CDC42: variants seen among roughly 807,000 people sequenced by gnomAD.
CDC42 encodes cell division cycle 42, also known as cell division control protein 42 homolog.
Under a neutral mutation model 20.8 loss-of-function variants are expected in CDC42, and 1 was observed. The observed-to-expected ratio is 0.05, with a 90% CI of 0.02 to 0.23. The LOEUF is 0.23. Ranked by LOEUF, CDC42 falls within the 10% of genes least tolerant of loss-of-function variation. The pLI is 1.00. For missense variants in CDC42, 49 were observed against 227.9 expected (o/e 0.21, Z 5.05); for synonymous variants, 72 against 84.8 (o/e 0.85, Z 0.83).
chr1:22,082,330 A>C (rs958700681), intron 3 of CDC42, among the ~76,000 whole-genome samples: 1 of 152,240 alleles, frequency 6.6e-6, no homozygotes, highest in African/African-American at 2.4e-5. Context: ...CTTACGATAG[A>C]TAGCTTATTT....
In CDC42 at chr1:22,094,294, A is replaced by ATTTTTTTTTTTT. The variant is rs747002932; in HGVS notation, c.*2787_*2798dup. Among the ~76,000 whole-genome samples, 1,478 of 38,248 alleles carry ATTTTTTTTTTTT rather than the reference A, an allele frequency of 0.039. 526 individuals carry two copies. Among genetic ancestry groups the ATTTTTTTTTTTT allele is most frequent in the African/African-American group, 0.061 (501 of 8,188 alleles). The allele number at this position is 38,248 out of a possible 152,430, so 25.1% of individuals were successfully genotyped here. A position where few individuals can be genotyped will look rare whatever the true frequency, so the allele number is the denominator to read the frequency against. On this transcript the variant is annotated 3_prime_UTR_variant, in exon 6 of 6. Coordinates refer to ENST00000656825, the MANE Select transcript of CDC42 (RefSeq NM_001791.4). ...GTTTTACTGAACATCCTAGAAATAGATTTTTTTTTTTTTTTTTTTTTGAGA... is the reference window on the plus strand; with the variant it reads ...GTTTTACTGAACATCCTAGAAATAGATTTTTTTTTTTTTTTTTTTTTTTTTTTTTTTTTGAGA...
Position 22,095,452 on chromosome 1 carries a change from G to A in CDC42, c.*3935G>A, listed in dbSNP as rs1278029251. On this transcript the variant is annotated 3_prime_UTR_variant, in exon 6 of 6. Transcript: ENST00000656825. ...GCCTGGCTAATGTTTTGTATTTTTA[G>A]TAGAGATAGGGTTTCACCATGTTAG... Among the ~76,000 whole-genome samples the A allele has an allele frequency of 6.6e-6, 1 of 152,062 alleles. No homozygotes were observed. Among genetic ancestry groups the A allele is most frequent in the Admixed American group, 6.5e-5 (1 of 15,278 alleles).
At chr1:22,058,610 G>A (rs1279963346) in intron 1 of CDC42, among the ~76,000 whole-genome samples, 1 of 151,798 alleles carries the variant, frequency 6.6e-6, no homozygotes, top group African/African-American at 2.4e-5. Context: ...AACCTCCCGA[G>A]TAGCTGGGAT....
chr1:22,074,831 T>C (rs1035697791), intron 1 of CDC42, among the ~76,000 whole-genome samples: 1 of 152,130 alleles, frequency 6.6e-6, no homozygotes, highest in African/African-American at 2.4e-5. Context: ...GCAGAAGAGG[T>C]TGGCTTAATA....
At chr1:22,068,616 A>G (rs536943608) in intron 1 of CDC42, 3 of 152,650 alleles carry the variant, frequency 2.0e-5, no homozygotes, top group Non-Finnish European at 2.9e-5. Context: ...AATTCCTTCC[A>G]TAGAAATGAT....
At chr1:22,069,357 G>T (rs1368030488) in intron 1 of CDC42, among the ~76,000 whole-genome samples, 1 of 151,726 alleles carries the variant, frequency 6.6e-6, no homozygotes, top group Non-Finnish European at 1.5e-5. Context: ...TGTATTTTTG[G>T]TAGAGACTGG....
chr1:22,071,333 C>T (rs958372269), intron 1 of CDC42, among the ~76,000 whole-genome samples: 25 of 152,156 alleles, frequency 1.6e-4, no homozygotes, highest in South Asian at 6.2e-4. Flanking sequence ...TGTGAGCCAC[C>T]GCACCCGGTC....
At chr1:22,058,376 G>A (rs537580747) in intron 1 of CDC42, among the ~76,000 whole-genome samples, 1 of 152,244 alleles carries the variant, frequency 6.6e-6, no homozygotes, top group East Asian at 1.9e-4. Context: ...ATCATAATCT[G>A]AAAATGAATC....
intron 1 of CDC42, among the ~76,000 whole-genome samples, chr1:22,054,960 T>A (rs1645287839): frequency 1.4e-4 from 8 of 56,684 alleles, no homozygotes; most frequent in South Asian, 7.9e-4. Context: ...TTTTTTTTTT[T>A]TTTTTTTTTT....
At chr1:22,061,499 AGACG>A (rs1459059220) in intron 1 of CDC42, among the ~76,000 whole-genome samples, 1 of 142,518 alleles carries the variant, frequency 7.0e-6, no homozygotes, top group Non-Finnish European at 1.5e-5. Context: ...TAGGGAAGTT[AGACG>A]GTCAATCAGT....
rs1451210439 is a variant in CDC42, at chr1:22,098,046, C to G, written c.*6529C>G. 6.6e-6 allele frequency among the ~76,000 whole-genome samples: 1 copy of G among 152,154 alleles called. No individual in the cohort carries two copies. The highest frequency in any genetic ancestry group is 1.5e-5 in the Non-Finnish European group (1 of 68,028). ...GTTCTGTTTGCTCTGATGCGTCCCGCAGAGCAGTGCTTTTTCTCGGTGTGA... is the reference window on the plus strand; with the variant it reads ...GTTCTGTTTGCTCTGATGCGTCCCGGAGAGCAGTGCTTTTTCTCGGTGTGA... On this transcript the variant is annotated 3_prime_UTR_variant, in exon 6 of 6. Transcript: ENST00000656825.
In CDC42 at chr1:22,094,577, G is replaced by A. The variant is rs903497645; in HGVS notation, c.*3060G>A. Among the ~76,000 whole-genome samples, 13 of 148,646 alleles carry A rather than the reference G, an allele frequency of 8.7e-5. No individual in the cohort carries two copies. The highest frequency in any genetic ancestry group is 2.1e-4 in the South Asian group (1 of 4,818). ...CTCCCAAAGTGCTGGGATTACAGGC[G>A]TGAGCCACCGCGCCCGGCCAGAAAT... On this transcript the variant is annotated 3_prime_UTR_variant, in exon 6 of 6. Coordinates refer to ENST00000656825, the MANE Select transcript of CDC42 (RefSeq NM_001791.4).
At chr1:22,086,002 C>T (rs1260816131) in intron 3 of CDC42, among the ~76,000 whole-genome samples, 1 of 152,168 alleles carries the variant, frequency 6.6e-6, no homozygotes, top group East Asian at 1.9e-4. Flanking sequence ...TGCACCACCA[C>T]ACCCGGCTAA....
chr1:22,089,828 A>C, intron 5 of CDC42: 1 of 1,021,352 alleles, frequency 9.8e-7, no homozygotes, highest in Non-Finnish European at 1.4e-6. Context: ...CGTTTTTCTT[A>C]AGGCACATTG....
intron 1 of CDC42, among the ~76,000 whole-genome samples, chr1:22,064,734 T>C (rs1442802165): frequency 6.7e-6 from 1 of 149,956 alleles, no homozygotes; most frequent in Admixed American, 6.7e-5. Flanking sequence ...CAGCCTGGAG[T>C]GCAGTGGCGC....
chr1:22,072,674 C>G (rs1259827174), intron 1 of CDC42, among the ~76,000 whole-genome samples: 2 of 152,040 alleles, frequency 1.3e-5, no homozygotes, highest in African/African-American at 4.8e-5. Context: ...CCAGCCCCAT[C>G]CTGAGGCTTC....
chr1:22,078,101 C>A (rs995981241), intron 1 of CDC42, among the ~76,000 whole-genome samples: 1 of 152,310 alleles, frequency 6.6e-6, no homozygotes, highest in Admixed American at 6.5e-5. Context: ...ACAGCTTTCA[C>A]AAAATAATAT....
chr1:22,073,640 T>C (rs757335551), intron 1 of CDC42, among the ~76,000 whole-genome samples: 2 of 152,154 alleles, frequency 1.3e-5, no homozygotes, highest in Non-Finnish European at 2.9e-5. Flanking sequence ...CACAATTTTA[T>C]TTCCTTATGA....
At chr1:22,055,712 T>G (rs1645297967) in intron 1 of CDC42, among the ~76,000 whole-genome samples, 2 of 152,110 alleles carry the variant, frequency 1.3e-5, no homozygotes, top group Non-Finnish European at 2.9e-5. Flanking sequence ...TGATCTGGAA[T>G]GCCTGAACTC....
Sources: allele counts gnomAD v4.1 joint callset (sites outside exome capture counted in the v4.1 genomes callset), GRCh38; gene constraint gnomAD v4.1.1; transcripts MANE v1.5; gene names NCBI Gene and HGNC (gene_info 2026-07-23, HGNC 2026-07-21).